RAD51B: variants seen among roughly 807,000 people sequenced by gnomAD.
The protein encoded by RAD51B is RAD51 paralog B.
RAD51B carries 38 observed loss-of-function variants against 42.2 expected under a neutral mutation model. The observed-to-expected ratio is 0.90, with a 90% CI of 0.70 to 1.18. The LOEUF is 1.18. Ranked by LOEUF, RAD51B falls within the 50% of genes most tolerant of loss-of-function variation. The pLI, the probability that RAD51B is intolerant of heterozygous loss-of-function variation, is 0.00. For synonymous variants in RAD51B, 154 were observed against 145.2 expected, an observed-to-expected ratio of 1.06 and a Z score of -0.43; for missense variants, 373 against 400.7, an observed-to-expected ratio of 0.93 and a Z score of 0.59.
intron 8 of RAD51B, among the ~76,000 whole-genome samples, chr14:68,295,096 TA>T (rs1482636930): frequency 1.3e-5 from 2 of 152,202 alleles, no homozygotes; most frequent in Non-Finnish European, 2.9e-5. Flanking sequence ...GGAGATATTT[TA>T]AGTAAATAGA....
At chr14:67,840,665 C>G (rs11158697) in intron 4 of RAD51B, among the ~76,000 whole-genome samples, 50,583 of 152,064 alleles carry the variant, frequency 0.33, 8,820 homozygotes, top group Middle Eastern at 0.45. Flanking sequence ...AGATTGCTGG[C>G]TCAAATGGTA....
intron 10 of RAD51B, among the ~76,000 whole-genome samples, chr14:68,500,975 G>A (rs1035318254): frequency 6.6e-6 from 1 of 152,168 alleles, no homozygotes; most frequent in Non-Finnish European, 1.5e-5. Context: ...AAACCCAGGT[G>A]GGCTCTGACT....
intron 7 of RAD51B, among the ~76,000 whole-genome samples, chr14:68,184,090 C>G (rs1177577346): frequency 2.9e-5 from 1 of 34,494 alleles, no homozygotes; most frequent in Non-Finnish European, 5.2e-5. Context: ...GAGACTCCAT[C>G]TCAAAAAAAA....
At chr14:68,306,853 G>C (rs1013776322) in intron 8 of RAD51B, among the ~76,000 whole-genome samples, 3 of 152,196 alleles carry the variant, frequency 2.0e-5, no homozygotes, top group African/African-American at 7.2e-5. Flanking sequence ...GCAATGGGTT[G>C]TGCCATCAGG....
chr14:68,030,965 A>G (rs1195115446), intron 7 of RAD51B, among the ~76,000 whole-genome samples: 1 of 152,216 alleles, frequency 6.6e-6, no homozygotes, highest in Non-Finnish European at 1.5e-5. Context: ...CAGTTTGTAA[A>G]GCAGTCAGAA....
At chr14:67,980,836 T>A (rs1175634919) in intron 7 of RAD51B, among the ~76,000 whole-genome samples, 1 of 152,228 alleles carries the variant, frequency 6.6e-6, no homozygotes, top group East Asian at 1.9e-4. Flanking sequence ...AAAAGATTTC[T>A]TCTATATGCC....
intron 9 of RAD51B, among the ~76,000 whole-genome samples, chr14:68,467,532 T>G (rs1342739111): frequency 6.6e-6 from 1 of 152,238 alleles, no homozygotes; most frequent in Non-Finnish European, 1.5e-5. Context: ...GGCACAAACG[T>G]TAAGAGAACA....
chr14:68,360,368 G>T (rs1718818724), intron 8 of RAD51B, among the ~76,000 whole-genome samples: 1 of 152,208 alleles, frequency 6.6e-6, no homozygotes, highest in Non-Finnish European at 1.5e-5. Flanking sequence ...TCCTTGCTAG[G>T]CACATCTTAT....
intron 10 of RAD51B, among the ~76,000 whole-genome samples, chr14:68,509,318 C>T (rs1027437755): frequency 6.6e-6 from 1 of 152,354 alleles, no homozygotes; most frequent in African/African-American, 2.4e-5. Context: ...CAGCTCCCTT[C>T]ATTATGGCCA....
intron 10 of RAD51B, among the ~76,000 whole-genome samples, chr14:68,567,430 A>T (rs1015022540): frequency 3.3e-5 from 5 of 152,194 alleles, no homozygotes; most frequent in African/African-American, 1.2e-4. Context: ...CTCTCTCAAC[A>T]TCCCACACCA....
At chr14:68,517,253 A>C (rs1886227859) in intron 10 of RAD51B, among the ~76,000 whole-genome samples, 1 of 151,742 alleles carries the variant, frequency 6.6e-6, no homozygotes, top group South Asian at 2.1e-4. Context: ...GGGAAGGGGA[A>C]GGGGAAGGGA....
intron 8 of RAD51B, among the ~76,000 whole-genome samples, chr14:68,410,342 G>A (rs950557096): frequency 5.9e-5 from 9 of 152,180 alleles, no homozygotes; most frequent in African/African-American, 1.7e-4. Flanking sequence ...ACACTGAGGC[G>A]TACAAATCAG....
At chr14:68,540,293 T>G in intron 10 of RAD51B, 6 of 1,034,990 alleles carry the variant, frequency 5.8e-6, no homozygotes, top group Non-Finnish European at 7.0e-6. Context: ...AGGACTCTAC[T>G]GCAGACCACA....
intron 7 of RAD51B, among the ~76,000 whole-genome samples, chr14:67,913,516 T>A (rs2044054750): frequency 6.6e-6 from 1 of 152,232 alleles, no homozygotes; most frequent in Admixed American, 6.5e-5. Context: ...TAGTGATGGA[T>A]AAAACTTGTA....
intron 7 of RAD51B, among the ~76,000 whole-genome samples, chr14:68,213,708 A>C (rs2079757788): frequency 6.6e-6 from 1 of 152,226 alleles, no homozygotes. Flanking sequence ...CTAAGAGTCC[A>C]TGTCCAGAGT....
At chr14:67,920,529 G>A (rs969164160) in intron 7 of RAD51B, among the ~76,000 whole-genome samples, 3 of 152,026 alleles carry the variant, frequency 2.0e-5, no homozygotes, top group African/African-American at 7.2e-5. Flanking sequence ...TATATGCACA[G>A]ATAAATGGCC....
chr14:68,642,511 G>C (rs550868633), intron 10 of RAD51B, among the ~76,000 whole-genome samples: 1 of 152,156 alleles, frequency 6.6e-6, no homozygotes, highest in South Asian at 2.1e-4. Context: ...TCTTTTCTTA[G>C]CCTGATTAAA....
chr14:68,649,634 G>A (rs1892658842), intron 10 of RAD51B, among the ~76,000 whole-genome samples: 1 of 152,116 alleles, frequency 6.6e-6, no homozygotes, highest in Non-Finnish European at 1.5e-5. Context: ...ATTGGTCATC[G>A]TTGGTTAGCC....
At chr14:68,571,765 G>T (rs1450251348) in intron 10 of RAD51B, among the ~76,000 whole-genome samples, 2 of 150,252 alleles carry the variant, frequency 1.3e-5, no homozygotes, top group African/African-American at 2.5e-5. Context: ...ATTGTTAGTT[G>T]TTCAGTTATT....
Sources: allele counts gnomAD v4.1 joint callset (sites outside exome capture counted in the v4.1 genomes callset), GRCh38; gene constraint gnomAD v4.1.1; transcripts MANE v1.5; gene names NCBI Gene and HGNC (gene_info 2026-07-23, HGNC 2026-07-21).